The following PSMD1 variants were observed in gnomAD, a reference collection of about 807,000 sequenced individuals.
PSMD1 encodes 26S proteasome non-ATPase regulatory subunit 1.
In PSMD1, 18 loss-of-function variants were observed where a neutral mutation model predicts 119.0. That is an observed-to-expected ratio of 0.15 (90% CI 0.10 to 0.22). The LOEUF (loss-of-function observed/expected upper bound fraction) is 0.22, where lower values mean the gene tolerates loss of function less well. Among genes scored for constraint, PSMD1 ranks in the 10% least tolerant of loss-of-function variants. PSMD1 has a pLI of 1.00. For missense variants in PSMD1, 702 were observed against 1,158.5 expected (o/e 0.61, Z 5.72); for synonymous variants, 374 against 396.6 (o/e 0.94, Z 0.68).
intron 4 of PSMD1, among the ~76,000 whole-genome samples, chr2:231,065,591 G>T (rs1289266233): frequency 6.6e-6 from 1 of 152,214 alleles, no homozygotes; most frequent in African/African-American, 2.4e-5. Flanking sequence ...GGGCCACCGC[G>T]CCCGGCCAGG....
chr2:231,116,312 A>G (rs565939462), intron 16 of PSMD1, among the ~76,000 whole-genome samples: 1 of 152,278 alleles, frequency 6.6e-6, no homozygotes, highest in African/African-American at 2.4e-5. Context: ...GTAGGGTGGT[A>G]GGAAAATACT....
chr2:231,100,316 G>A (rs771567097), intron 16 of PSMD1, among the ~76,000 whole-genome samples: 1 of 152,188 alleles, frequency 6.6e-6, no homozygotes. Context: ...GAGGGGAAGG[G>A]GTTCTTATCC....
intron 17 of PSMD1, 200 bp downstream of exon 17, chr2:231,139,050 C>T (rs1696039051): frequency 1.5e-6 from 1 of 658,104 alleles, no homozygotes; most frequent in Non-Finnish European, 2.8e-6. Flanking sequence ...CGTCACATTA[C>T]ATGGATAGCT....
chr2:231,088,890 G>A (rs559362832), intron 16 of PSMD1, among the ~76,000 whole-genome samples: 37 of 152,334 alleles, frequency 2.4e-4, no homozygotes, highest in African/African-American at 8.2e-4. Flanking sequence ...TTGCATCACA[G>A]ATAGCCAAGT....
intron 16 of PSMD1, among the ~76,000 whole-genome samples, chr2:231,101,536 TAA>T (rs1319902932): frequency 6.6e-6 from 1 of 152,198 alleles, no homozygotes; most frequent in African/African-American, 2.4e-5. Flanking sequence ...GCAGCAGAGT[TAA>T]GAGAGGATTG....
In PSMD1 at chr2:231,077,732, G is replaced by T. The variant is rs996783669; in HGVS notation, c.1071+570G>T. Among the ~76,000 whole-genome samples the T allele has an allele frequency of 3.3e-5, 5 of 152,168 alleles. No homozygotes were observed. The East Asian group carries it at 5.8e-4, about 18-fold the overall frequency. ...GATTCAAAATATTTTAATATAAAAA[G>T]ATATATAACATGAAAAATCTTCCTT... On this transcript the variant is annotated intron_variant, in intron 9 of 24. Transcript: ENST00000308696.
At chr2:231,166,435 AT>A (rs1226159986) in intron 23 of PSMD1, among the ~76,000 whole-genome samples, 1 of 152,068 alleles carries the variant, frequency 6.6e-6, no homozygotes, top group Admixed American at 6.5e-5. Context: ...TGAGGCACAG[AT>A]TGAACAAGCA....
At chr2:231,078,584 C>A in intron 9 of PSMD1, 75 bp from the exon 10 acceptor site, 1 of 1,051,206 alleles carries the variant, frequency 9.5e-7, no homozygotes, top group Non-Finnish European at 1.4e-6. Flanking sequence ...AATAGGACCT[C>A]TGACTGTGTG....
intron 1 of PSMD1, among the ~76,000 whole-genome samples, chr2:231,058,621 T>C (rs1469505518): frequency 6.6e-6 from 1 of 152,008 alleles, no homozygotes; most frequent in Non-Finnish European, 1.5e-5. Flanking sequence ...AGCCAAAAGG[T>C]TGGACACCCC....
chr2:231,162,720 G>C (rs1177098491), intron 20 of PSMD1, among the ~76,000 whole-genome samples: 1 of 151,888 alleles, frequency 6.6e-6, no homozygotes, highest in African/African-American at 2.4e-5. Flanking sequence ...CCAGCTGCTT[G>C]GGAGGCTGAG....
intron 17 of PSMD1, among the ~76,000 whole-genome samples, chr2:231,140,642 C>T (rs1346725618): frequency 6.6e-6 from 1 of 151,982 alleles, no homozygotes; most frequent in African/African-American, 2.4e-5. Context: ...CTTTGGGAGG[C>T]CCAGGCGGTT....
chr2:231,082,617 A>T (rs112043610), intron 12 of PSMD1, among the ~76,000 whole-genome samples: 2 of 152,214 alleles, frequency 1.3e-5, no homozygotes, highest in Non-Finnish European at 2.9e-5. Context: ...AGGCAGGAGA[A>T]TCACTTGAAC....
intron 18 of PSMD1, chr2:231,153,343 G>A (rs758661133): frequency 2.4e-4 from 121 of 499,348 alleles, no homozygotes; most frequent in Non-Finnish European, 4.1e-4. Context: ...ACTGTGGAAT[G>A]AGGATTCAAG....
rs1372149952 is a variant in PSMD1, at chr2:231,100,943, G to A, written c.1883+13762G>A. 5.3e-5 allele frequency among the ~76,000 whole-genome samples: 8 copies of A among 152,240 alleles called. No homozygotes were observed. The East Asian group carries it at 7.7e-4, about 15-fold the overall frequency. The stretch of plus-strand genomic sequence containing the variant: ...CGCAATCTGTTGCAGCGTTCCTCAC[G>A]CGGGGGCACCACCTGCCGAGTCTGT... On this transcript the variant is annotated intron_variant, in intron 16 of 24. Coordinates refer to ENST00000308696, the MANE Select transcript of PSMD1 (RefSeq NM_002807.4).
chr2:231,146,957 T>C (rs778819574), intron 18 of PSMD1, among the ~76,000 whole-genome samples: 1 of 152,216 alleles, frequency 6.6e-6, no homozygotes, highest in Non-Finnish European at 1.5e-5. Context: ...CCCTTCTGCA[T>C]AGGAATATAA....
chr2:231,110,181 A>G (rs950217377), intron 16 of PSMD1, among the ~76,000 whole-genome samples: 2 of 152,072 alleles, frequency 1.3e-5, no homozygotes, highest in Non-Finnish European at 2.9e-5. Context: ...TTAGCCAGGC[A>G]TGGTGGCACG....
At chr2:231,108,811 A>G in intron 16 of PSMD1, 1 of 1,614,178 alleles carries the variant, frequency 6.2e-7, no homozygotes. Context: ...GAAATGTCTT[A>G]TTGAAGAGGG....
chr2:231,156,483 C>T (rs1696508764), intron 19 of PSMD1, among the ~76,000 whole-genome samples: 1 of 152,040 alleles, frequency 6.6e-6, no homozygotes, highest in African/African-American at 2.4e-5. Context: ...CTAAAAATTC[C>T]CTGTGCTTAA....
At position 231,150,127 on chromosome 2, in the gene PSMD1, C is replaced by T. The variant is rs557918090; in HGVS notation, c.2116-3437C>T. Among the ~76,000 whole-genome samples, 259 of 152,110 alleles carry T rather than the reference C, an allele frequency of 1.7e-3. 2 individuals are homozygous for T. The highest frequency in any genetic ancestry group is 6.0e-3 in the African/African-American group (250 of 41,518). On this transcript the variant is annotated intron_variant, in intron 18 of 24. Transcript: ENST00000308696. ...TTGGGAGGCCAAGGCGGGTGGATCACGCGGTCAGGAGTTCAAGACCAGCAT... is the reference window on the plus strand; with the variant it reads ...TTGGGAGGCCAAGGCGGGTGGATCATGCGGTCAGGAGTTCAAGACCAGCAT...
Sources: gnomAD v4.1 joint callset for allele counts (sites outside exome capture counted in the v4.1 genomes callset) on GRCh38, gnomAD v4.1.1 for gene constraint, MANE v1.5 for transcripts, NCBI Gene and HGNC (gene_info 2026-07-23, HGNC 2026-07-21) for gene names.